Variants in UCHL5 observed in about 807,000 individuals in gnomAD.
The protein encoded by UCHL5 is ubiquitin C-terminal hydrolase L5.
UCHL5 carries 34 observed loss-of-function variants against 53.8 expected under a neutral mutation model. That is an observed-to-expected ratio of 0.63 (90% CI 0.48 to 0.84). The LOEUF (loss-of-function observed/expected upper bound fraction) is 0.84. Ranked by LOEUF, UCHL5 falls within the 40% of genes least tolerant of loss-of-function variation. UCHL5 has a pLI of 0.00. For synonymous variants in UCHL5, 111 were observed against 126.3 expected, an observed-to-expected ratio of 0.88 and a Z score of 0.81; for missense variants, 290 against 385.6, an observed-to-expected ratio of 0.75 and a Z score of 2.08.
In UCHL5 at chr1:193,022,995, A is replaced by T; in HGVS notation, c.774T>A (p.Ala258=). 3 of 1,613,454 alleles carry T rather than the reference A, an allele frequency of 1.9e-6. No homozygotes were observed. In the South Asian group the frequency reaches 3.3e-5, roughly 18 times the overall value. The change falls in exon 9 of 11, where the codon GCT becomes GCA. Residue 258 remains alanine, a synonymous_variant. Coordinates refer to ENST00000367454, the MANE Select transcript of UCHL5 (RefSeq NM_001199261.3). Reference sequence around the variant, plus strand: ...GATTTTTGGCAACTTCTGACTGAATAGCACTTAACATACTATTACCTTGAT... The same window carrying T: ...GATTTTTGGCAACTTCTGACTGAATTGCACTTAACATACTATTACCTTGAT... ...DTDQGNSMLS[A]IQSEVAKNQM...
At chr1:193,036,907 T>C (rs1418803239) in intron 3 of UCHL5, among the ~76,000 whole-genome samples, 2 of 151,424 alleles carry the variant, frequency 1.3e-5, no homozygotes, top group African/African-American at 2.4e-5. Context: ...AAATGATGAA[T>C]AGGCCAATAA....
At chr1:193,045,332 T>A (rs1276220265) in intron 3 of UCHL5, among the ~76,000 whole-genome samples, 1 of 152,206 alleles carries the variant, frequency 6.6e-6, no homozygotes, top group Non-Finnish European at 1.5e-5. Context: ...TGAAATGTAA[T>A]CCCCAATGCT....
upstream of UCHL5, chr1:193,059,938 A>C (rs1349918857): frequency 6.6e-6 from 9 of 1,366,236 alleles, no homozygotes; most frequent in South Asian, 1.0e-4. The surrounding 1 kb of genome is among the most constrained non-coding windows in gnomAD (Gnocchi z 4.9). Context: ...GCGCCTGTCC[A>C]CCCTGGGTAA....
chr1:193,031,927 A>G (rs1314672317), intron 3 of UCHL5, among the ~76,000 whole-genome samples: 1 of 152,206 alleles, frequency 6.6e-6, no homozygotes, highest in Non-Finnish European at 1.5e-5. Flanking sequence ...GGCTTTTAAG[A>G]TAATTTAAAA....
At position 193,021,210 on chromosome 1, in the gene UCHL5, T is replaced by C; in HGVS notation, c.844-15A>G. The C allele has an allele frequency of 6.6e-7, 1 of 1,505,448 alleles. No homozygotes were observed. The highest frequency in any genetic ancestry group is 1.1e-5 in the South Asian group (1 of 88,388). 93.3% of individuals were successfully genotyped at this position (1,505,448 alleles called of 1,614,324 possible). On this transcript the variant is annotated splice_polypyrimidine_tract_variant and intron_variant, in intron 9 of 10. Transcript: ENST00000367454. ...ATATTCTCAATCTGAAAATAAAACATCAATCCACACTAACTACATTTCTGC... is the reference window on the plus strand; with the variant it reads ...ATATTCTCAATCTGAAAATAAAACACCAATCCACACTAACTACATTTCTGC...
In UCHL5 at chr1:193,017,124, G is replaced by C. The variant is rs116333430; in HGVS notation, c.943-729C>G. ...GACTTAGAGACCCTGTTAAAATGCAGACTGATTTAGTAAAATGCCTGAGGT... is the reference window on the plus strand; with the variant it reads ...GACTTAGAGACCCTGTTAAAATGCACACTGATTTAGTAAAATGCCTGAGGT... On this transcript the variant is annotated intron_variant, in intron 10 of 10. Coordinates refer to ENST00000367454, the MANE Select transcript of UCHL5 (RefSeq NM_001199261.3). 8.9e-3 allele frequency among the ~76,000 whole-genome samples: 1,358 copies of C among 151,822 alleles called. 13 individuals carry two copies. Among genetic ancestry groups the C allele is most frequent in the South Asian group, 0.034 (162 of 4,830 alleles).
At chr1:193,057,767 CATAT>C (rs1671118886) in intron 1 of UCHL5, among the ~76,000 whole-genome samples, 1 of 152,208 alleles carries the variant, frequency 6.6e-6, no homozygotes, top group Admixed American at 6.5e-5. Flanking sequence ...TTGGCTAACC[CATAT>C]ACTTTAACAT....
At chr1:193,029,358 C>G (rs1211271308) in intron 5 of UCHL5, 30 bp downstream of exon 5, 23 of 1,613,074 alleles carry the variant, frequency 1.4e-5, no homozygotes, top group Non-Finnish European at 1.9e-5. Context: ...AAGAAAGAAA[C>G]AGTATTTATT....
chr1:193,023,939 C>T lies in UCHL5; in HGVS notation c.637G>A (p.Glu213Lys), dbSNP rs1409102370. ...ATTAAATTAAATCGAATTTCACCTT[C>T]ACTGTACCTAGAAGAAAATTATTTA... ...VIEKRIQKYS[E>K]GEIRFNLMAI... The change falls in exon 8 of 11, where the codon GAA (glutamate) becomes AAA (lysine). Residue 213 changes from glutamate to lysine, a missense_variant. By Grantham distance (56) the Glu-to-Lys change is moderately conservative (BLOSUM62 1). Transcript: ENST00000367454. The T allele has an allele frequency of 1.2e-6, 2 of 1,603,470 alleles. No homozygotes were observed. The highest frequency in any genetic ancestry group is 2.2e-5 in the East Asian group (1 of 44,668).
chr1:193,050,606 C>A (rs936417706), intron 2 of UCHL5, among the ~76,000 whole-genome samples: 1 of 151,984 alleles, frequency 6.6e-6, no homozygotes, highest in Non-Finnish European at 1.5e-5. Context: ...ATTAGCCAGG[C>A]ATGGTGAAGC....
intron 1 of UCHL5, among the ~76,000 whole-genome samples, chr1:193,055,874 T>G (rs1395680968): frequency 1.3e-5 from 2 of 152,204 alleles, no homozygotes; most frequent in Non-Finnish European, 2.9e-5. Flanking sequence ...TCTGGTTTGG[T>G]GTCAGGATAA....
chr1:193,024,053 G>T, intron 7 of UCHL5, 107 bp from the exon 8 acceptor site: 1 of 815,438 alleles, frequency 1.2e-6, no homozygotes. Flanking sequence ...ATAAACAAAA[G>T]TCTATCAATT....
chr1:193,049,087 G>A (rs1255963087), intron 3 of UCHL5, among the ~76,000 whole-genome samples: 4 of 151,962 alleles, frequency 2.6e-5, no homozygotes, highest in Admixed American at 6.6e-5. Flanking sequence ...TTATAGAGAC[G>A]GGTCTCTTCA....
intron 3 of UCHL5, among the ~76,000 whole-genome samples, chr1:193,030,853 G>T (rs1169290772): frequency 6.6e-6 from 1 of 152,022 alleles, no homozygotes; most frequent in Non-Finnish European, 1.5e-5. Flanking sequence ...ACCAGTTCCT[G>T]AACTGTTGAC....
chr1:193,015,511 G>A lies in UCHL5; in HGVS notation c.*840C>T, dbSNP rs1189101195. The A allele has an allele frequency of 1.3e-5, 2 of 151,862 alleles. No homozygotes were observed. The highest frequency in any genetic ancestry group is 2.9e-5 in the Non-Finnish European group (2 of 67,868). 9.4% of individuals were successfully genotyped at this position (151,862 alleles called of 1,614,324 possible). On this transcript the variant is annotated 3_prime_UTR_variant, in exon 11 of 11. Transcript: ENST00000367454. ...AGGCTGTACGAAATTTATTCAAATTGGCATAGAAAGACCCCCATCACCACT... is the reference window on the plus strand; with the variant it reads ...AGGCTGTACGAAATTTATTCAAATTAGCATAGAAAGACCCCCATCACCACT...
chr1:193,024,608 T>A (rs1658445560), intron 7 of UCHL5, among the ~76,000 whole-genome samples: 1 of 148,838 alleles, frequency 6.7e-6, no homozygotes, highest in African/African-American at 2.4e-5. Context: ...ACATATTTTA[T>A]TAATATAATA....
At chr1:193,024,431 A>T (rs1658375968) in intron 7 of UCHL5, among the ~76,000 whole-genome samples, 1 of 151,504 alleles carries the variant, frequency 6.6e-6, no homozygotes, top group Non-Finnish European at 1.5e-5. Flanking sequence ...TTAACTTAAG[A>T]GCTCAGAAAA....
chr1:193,022,555 A>T (rs955195644), intron 9 of UCHL5, among the ~76,000 whole-genome samples: 8 of 151,732 alleles, frequency 5.3e-5, no homozygotes, highest in African/African-American at 1.5e-4. Flanking sequence ...AATCCCAGCT[A>T]CTTGAGAGGC....
chr1:193,013,412 G>A lies in UCHL5; in HGVS notation c.*2939C>T, dbSNP rs1654439053. ...AGAGTGGTTTGTTTCCTGAAAATTT[G>A]TATATGATCAAGTTTAAAAATAATA... On this transcript the variant is annotated 3_prime_UTR_variant, in exon 11 of 11. Transcript: ENST00000367454. 1 of 151,924 alleles carries A rather than the reference G, an allele frequency of 6.6e-6. No individual in the cohort carries two copies. The highest frequency in any genetic ancestry group is 1.5e-5 in the Non-Finnish European group (1 of 67,990). The allele number at this position is 151,924 out of a possible 1,614,324, so 9.4% of individuals were successfully genotyped here.
Sources: gnomAD v4.1 joint callset for allele counts (sites outside exome capture counted in the v4.1 genomes callset) on GRCh38, gnomAD v4.1.1 for gene constraint, Gnocchi (gnomAD v3.1) non-coding constraint, MANE v1.5 for transcripts, NCBI Gene and HGNC (gene_info 2026-07-23, HGNC 2026-07-21) for gene names.